The following NRXN1 variants were observed in gnomAD, a reference collection of about 807,000 sequenced individuals.
The protein encoded by NRXN1 is neurexin-1.
NRXN1 carries 39 observed loss-of-function variants against 150.9 expected under a neutral mutation model. That is an observed-to-expected ratio of 0.26 (90% confidence interval 0.20 to 0.34). The LOEUF (loss-of-function observed/expected upper bound fraction) is 0.34. NRXN1 is among the 10% of genes least tolerant of loss of function. The probability of loss-of-function intolerance (pLI) is 1.00; values close to 1 mark genes in which losing one functional copy is unlikely to be tolerated. For missense variants in NRXN1, 1,815 were observed against 1,949.9 expected (o/e 0.93, Z 1.30); for synonymous variants, 924 against 757.0 (o/e 1.22, Z -3.62).
rs2077972363 is a variant in NRXN1, at chr2:50,346,387, C to A, written c.3365-109417G>T. Reference sequence around the variant, plus strand: ...CTGAGTGACCTTCTGGCAACTGACGCCCCCTTCCCGCGGGGCCCAGCCGCG... The same window carrying A: ...CTGAGTGACCTTCTGGCAACTGACGACCCCTTCCCGCGGGGCCCAGCCGCG... On this transcript the variant is annotated intron_variant, in intron 17 of 22. Coordinates refer to ENST00000401669, the MANE Select transcript of NRXN1 (RefSeq NM_001330078.2). The surrounding 1 kb of genome is among the most constrained non-coding windows in gnomAD (Gnocchi z 5.0). 6.6e-6 allele frequency among the ~76,000 whole-genome samples: 1 copy of A among 152,122 alleles called. No individual in the cohort carries two copies. Among genetic ancestry groups the A allele is most frequent in the Non-Finnish European group, 1.5e-5 (1 of 68,016 alleles).
chr2:50,910,909 G>T (rs1174384434), intron 5 of NRXN1, among the ~76,000 whole-genome samples: 5 of 151,840 alleles, frequency 3.3e-5, no homozygotes, highest in Admixed American at 3.3e-4. Flanking sequence ...ACTCTGCACA[G>T]ATCTCACTGG....
chr2:50,993,930 A>T (rs1051536341), intron 2 of NRXN1, among the ~76,000 whole-genome samples: 13 of 151,900 alleles, frequency 8.6e-5, no homozygotes, highest in African/African-American at 3.1e-4. Context: ...ACCTTCAACT[A>T]CTTTCTATTT....
At position 50,538,224 on chromosome 2, in the gene NRXN1, A is replaced by T. The variant is rs560473595; in HGVS notation, c.2143+29T>A. ...ATTTAATAAACTTTTCATCTCAGGG[A>T]GTTGGCTGCTGGGGTTTTAGAATCC... is the stretch of plus-strand genomic sequence containing the variant. On this transcript the variant is annotated intron_variant, in intron 10 of 22. Transcript: ENST00000401669. The T allele has an allele frequency of 1.0e-5, 16 of 1,591,062 alleles. No individual in the cohort carries two copies. In the South Asian group the frequency reaches 1.5e-4, roughly 15 times the overall value.
At chr2:50,587,178 A>T in intron 8 of NRXN1, among the ~76,000 whole-genome samples, 1 of 152,428 alleles carries the variant, frequency 6.6e-6, no homozygotes, top group Admixed American at 6.5e-5. Flanking sequence ...CTCATTGGTG[A>T]AGCGAGCATA....
intron 5 of NRXN1, among the ~76,000 whole-genome samples, chr2:50,635,959 C>A (rs1683180418): frequency 6.6e-6 from 1 of 152,122 alleles, no homozygotes; most frequent in Admixed American, 6.6e-5. Flanking sequence ...GGTGGACAAT[C>A]AATTAATGTT....
At chr2:50,986,546 C>T (rs1001072798) in intron 2 of NRXN1, among the ~76,000 whole-genome samples, 2 of 151,442 alleles carry the variant, frequency 1.3e-5, no homozygotes, top group African/African-American at 2.4e-5. Flanking sequence ...ATTGTGAATA[C>T]TAAACATTAA....
At chr2:50,695,070 T>C (rs1467257152) in intron 5 of NRXN1, among the ~76,000 whole-genome samples, 2 of 151,998 alleles carry the variant, frequency 1.3e-5, no homozygotes, top group East Asian at 1.9e-4. Flanking sequence ...TTTTGATTTA[T>C]AACTACTGAA....
chr2:50,577,438 C>T (rs1184018662), intron 8 of NRXN1, among the ~76,000 whole-genome samples: 2 of 151,322 alleles, frequency 1.3e-5, no homozygotes, highest in Non-Finnish European at 2.9e-5. Context: ...GATTGATTTC[C>T]CGCAGTATCA....
chr2:50,639,414 T>A (rs1209755377), intron 5 of NRXN1, among the ~76,000 whole-genome samples: 2 of 151,740 alleles, frequency 1.3e-5, no homozygotes, highest in African/African-American at 4.8e-5. Flanking sequence ...AGAGACAGGG[T>A]CTTACCATGT....
intron 17 of NRXN1, among the ~76,000 whole-genome samples, chr2:50,279,490 T>A (rs1374784460): frequency 6.6e-6 from 1 of 152,170 alleles, no homozygotes; most frequent in Non-Finnish European, 1.5e-5. Flanking sequence ...AAAATTTAAC[T>A]TTTTTGGTTG....
intron 5 of NRXN1, among the ~76,000 whole-genome samples, chr2:50,691,489 T>C (rs1406068430): frequency 6.6e-6 from 1 of 152,220 alleles, no homozygotes; most frequent in Admixed American, 6.5e-5. Flanking sequence ...CTTATTTTTT[T>C]AGGAAGGATA....
intron 17 of NRXN1, among the ~76,000 whole-genome samples, chr2:50,416,426 C>G (rs1332277866): frequency 6.6e-6 from 1 of 152,064 alleles, no homozygotes; most frequent in East Asian, 1.9e-4. Flanking sequence ...CAGGTGACCT[C>G]CCCAAATATC....
intron 5 of NRXN1, among the ~76,000 whole-genome samples, chr2:50,776,590 A>C (rs1348471828): frequency 6.6e-6 from 1 of 151,108 alleles, no homozygotes; most frequent in Non-Finnish European, 1.5e-5. Context: ...TATTATATGT[A>C]TTATATATGA....
chr2:49,988,408 G>T (rs554409089), intron 21 of NRXN1, among the ~76,000 whole-genome samples: 108 of 151,934 alleles, frequency 7.1e-4, no homozygotes, highest in Non-Finnish European at 1.0e-3. Context: ...CAAAAAGAGG[G>T]GTCACAGATC....
intron 17 of NRXN1, among the ~76,000 whole-genome samples, chr2:50,432,028 G>A (rs2085009922): frequency 6.6e-6 from 1 of 152,218 alleles, no homozygotes; most frequent in Admixed American, 6.5e-5. Flanking sequence ...TATAAAATCA[G>A]GTTAAATAAC....
Position 50,749,864 on chromosome 2 carries a change from G to A in NRXN1, c.833-126249C>T, listed in dbSNP as rs184385116. The stretch of plus-strand genomic sequence containing the variant: ...GTACATTGATGGCTGAAATGGAACT[G>A]GAAATGGAGATATCTTAACTACCCC... On this transcript the variant is annotated intron_variant, in intron 5 of 22. Coordinates refer to ENST00000401669, the MANE Select transcript of NRXN1 (RefSeq NM_001330078.2). Among the ~76,000 whole-genome samples, 7 of 152,068 alleles carry A rather than the reference G, an allele frequency of 4.6e-5. No homozygotes were observed. The East Asian group carries it at 1.4e-3, about 30-fold the overall frequency.
intron 21 of NRXN1, among the ~76,000 whole-genome samples, chr2:49,970,817 C>A (rs958518593): frequency 2.3e-4 from 35 of 152,054 alleles, no homozygotes; most frequent in Admixed American, 8.5e-4. Flanking sequence ...CAAATGGATG[C>A]CATTTTTTTC....
At chr2:50,403,832 A>C (rs553599694) in intron 17 of NRXN1, among the ~76,000 whole-genome samples, 1 of 152,242 alleles carries the variant, frequency 6.6e-6, no homozygotes, top group African/African-American at 2.4e-5. Context: ...AATAGACTCA[A>C]GTCTAAGCAG....
At chr2:50,798,090 A>T (rs1392638661) in intron 5 of NRXN1, among the ~76,000 whole-genome samples, 1 of 152,186 alleles carries the variant, frequency 6.6e-6, no homozygotes, top group Non-Finnish European at 1.5e-5. Flanking sequence ...GAGAATGCTT[A>T]ATTATTAGGA....
Sources: allele counts gnomAD v4.1 joint callset (sites outside exome capture counted in the v4.1 genomes callset), GRCh38; gene constraint gnomAD v4.1.1; non-coding constraint Gnocchi (gnomAD v3.1); transcripts MANE v1.5; gene names NCBI Gene and HGNC (gene_info 2026-07-23, HGNC 2026-07-21).